The following KCNMA1 variants were observed in gnomAD, a reference collection of about 807,000 sequenced individuals.
The protein encoded by KCNMA1 is Calcium-activated potassium channel subunit alpha-1.
In KCNMA1, 29 loss-of-function variants were observed where a neutral mutation model predicts 140.0. The ratio of observed to expected loss-of-function variants is 0.21; its 90% CI spans 0.15 to 0.28. KCNMA1 has a LOEUF of 0.28. Among genes scored for constraint, KCNMA1 ranks in the 10% least tolerant of loss-of-function variants. KCNMA1 has a pLI of 1.00. For missense variants in KCNMA1, 880 were observed against 1,602.2 expected (o/e 0.55, Z 7.70); for synonymous variants, 612 against 611.9 (o/e 1.00, Z 0.00).
intron 2 of KCNMA1, among the ~76,000 whole-genome samples, chr10:77,395,700 T>C (rs1310151177): frequency 1.3e-5 from 2 of 152,256 alleles, no homozygotes; most frequent in Non-Finnish European, 2.9e-5. Flanking sequence ...TTCGTGGGTC[T>C]AGTGTTCTAT....
chr10:77,409,037 C>T (rs961508122), intron 1 of KCNMA1, among the ~76,000 whole-genome samples: 4 of 152,164 alleles, frequency 2.6e-5, no homozygotes, highest in African/African-American at 9.7e-5. Context: ...TACCAGGCAA[C>T]CTCTCACGGG....
intron 1 of KCNMA1, among the ~76,000 whole-genome samples, chr10:77,529,349 G>A (rs2056954523): frequency 6.6e-6 from 1 of 151,610 alleles, no homozygotes; most frequent in Admixed American, 6.6e-5. Flanking sequence ...TCCCACCTCA[G>A]CCAGCCTAGC....
chr10:76,995,242 AATG>A (rs1207070738), intron 19 of KCNMA1: 1 of 164,796 alleles, frequency 6.1e-6, no homozygotes, highest in Middle Eastern at 2.8e-3. Context: ...TAACGTTTTA[AATG>A]ATAATGAATA....
At chr10:77,283,297 G>A (rs756729825) in intron 2 of KCNMA1, among the ~76,000 whole-genome samples, 8 of 152,222 alleles carry the variant, frequency 5.3e-5, no homozygotes, top group Non-Finnish European at 1.0e-4. Context: ...TCTCAGAACT[G>A]TCTAGATAGA....
chr10:77,598,521 T>C lies in KCNMA1; in HGVS notation c.378+38744A>G, dbSNP rs574736760. On this transcript the variant is annotated intron_variant, in intron 1 of 27. Coordinates refer to ENST00000286628, the MANE Select transcript of KCNMA1 (RefSeq NM_001161352.2). ...AGGAGTGCATGGCATCCGAGAGCCA[T>C]CAAACAGTAAATAAGAAAGACTTTC... Among the ~76,000 whole-genome samples, 29 of 152,308 alleles carry C rather than the reference T, an allele frequency of 1.9e-4. 1 individual carries two copies. Among genetic ancestry groups the C allele is most frequent in the African/African-American group, 6.5e-4 (27 of 41,574 alleles).
chr10:77,058,309 A>G (rs933654655), intron 14 of KCNMA1, among the ~76,000 whole-genome samples: 5 of 152,138 alleles, frequency 3.3e-5, no homozygotes, highest in Admixed American at 2.6e-4. Flanking sequence ...CCACAGTTAT[A>G]ATTGGAGACT....
At chr10:77,270,577 G>A (rs1465241056) in intron 2 of KCNMA1, among the ~76,000 whole-genome samples, 9 of 148,250 alleles carry the variant, frequency 6.1e-5, no homozygotes, top group East Asian at 2.0e-4. Flanking sequence ...GCTAGAGTGC[G>A]GTAGTGCAAT....
intron 3 of KCNMA1, chr10:77,217,564 G>T: frequency 2.2e-6 from 1 of 456,242 alleles, no homozygotes; most frequent in South Asian, 1.6e-5. Context: ...AGGAGCTGCC[G>T]AATGAAAACA....
chr10:77,534,932 AC>A (rs1238637118), intron 1 of KCNMA1, among the ~76,000 whole-genome samples: 16 of 152,166 alleles, frequency 1.1e-4, no homozygotes, highest in Admixed American at 7.9e-4. Flanking sequence ...TCCAACTTAT[AC>A]CCTGCAACCT....
chr10:77,398,574 G>A (rs904989741), intron 2 of KCNMA1, among the ~76,000 whole-genome samples: 1 of 152,158 alleles, frequency 6.6e-6, no homozygotes, highest in Non-Finnish European at 1.5e-5. Context: ...AGTTTTTTAA[G>A]TTCCTCATGA....
intron 19 of KCNMA1, among the ~76,000 whole-genome samples, chr10:76,983,886 C>T (rs572016929): frequency 3.9e-5 from 6 of 152,240 alleles, no homozygotes; most frequent in Admixed American, 2.6e-4. Context: ...CAAAGGAATA[C>T]CGCAGACCAT....
At chr10:77,371,419 T>A (rs541421278) in intron 2 of KCNMA1, among the ~76,000 whole-genome samples, 1 of 152,142 alleles carries the variant, frequency 6.6e-6, no homozygotes, top group Non-Finnish European at 1.5e-5. Context: ...CCCCACAAGT[T>A]TCCCCCCAGG....
At chr10:76,872,806 C>T (rs2031615617), downstream of KCNMA1, 1 of 152,214 alleles carries the variant, frequency 6.6e-6, no homozygotes, top group East Asian at 1.9e-4. Context: ...TTCTTTCTTT[C>T]AACCCAAAGA....
At chr10:76,957,627 C>A (rs2068918668) in intron 20 of KCNMA1, among the ~76,000 whole-genome samples, 1 of 152,104 alleles carries the variant, frequency 6.6e-6, no homozygotes. Context: ...CCTAGAAGAT[C>A]CTGAAGGTTT....
At position 77,197,728 on chromosome 10, in the gene KCNMA1, C is replaced by T. The variant is rs1450044993; in HGVS notation, c.603-12812G>A. On this transcript the variant is annotated intron_variant, in intron 3 of 27. Coordinates refer to ENST00000286628, the MANE Select transcript of KCNMA1 (RefSeq NM_001161352.2). ...ATCTGGTTAACCTGGAGGCGACAAC[C>T]GAAAGGGGGAGGTTGCATCATGCAA... is the stretch of plus-strand genomic sequence containing the variant. 2.6e-5 allele frequency among the ~76,000 whole-genome samples: 4 copies of T among 152,244 alleles called. No homozygotes were observed. The East Asian group carries it at 5.8e-4, about 22-fold the overall frequency.
intron 1 of KCNMA1, among the ~76,000 whole-genome samples, chr10:77,544,815 G>A (rs2061028365): frequency 6.6e-6 from 1 of 152,176 alleles, no homozygotes; most frequent in Non-Finnish European, 1.5e-5. Flanking sequence ...TTGCTAGAAA[G>A]TATTGCATCA....
intron 24 of KCNMA1, chr10:76,910,612 T>A (rs2152376542): frequency 4.5e-6 from 1 of 220,076 alleles, no homozygotes; most frequent in Admixed American, 5.2e-5. Context: ...CCACTGGGAT[T>A]GGCCTGGGTA....
intron 2 of KCNMA1, among the ~76,000 whole-genome samples, chr10:77,321,668 T>A (rs1318231010): frequency 6.6e-6 from 1 of 152,234 alleles, no homozygotes; most frequent in East Asian, 1.9e-4. Context: ...TCGGTTTTTT[T>A]TTCCCCTGTC....
intron 14 of KCNMA1, among the ~76,000 whole-genome samples, chr10:77,044,255 C>T (rs2094908565): frequency 6.6e-6 from 1 of 152,158 alleles, no homozygotes; most frequent in Admixed American, 6.5e-5. Context: ...ATCAAGGTAA[C>T]TTTTCTAAGT....
Sources: gnomAD v4.1 joint callset for allele counts (sites outside exome capture counted in the v4.1 genomes callset) on GRCh38, gnomAD v4.1.1 for gene constraint, MANE v1.5 for transcripts, NCBI Gene and HGNC (gene_info 2026-07-23, HGNC 2026-07-21) for gene names.